The following STRA6 variants were observed in gnomAD, a reference collection of about 807,000 sequenced individuals.
The protein encoded by STRA6 is signaling receptor and transporter of retinol STRA6.
In STRA6, 48 loss-of-function variants were observed where a neutral mutation model predicts 83.6. That is an observed-to-expected ratio of 0.57 (90% CI 0.46 to 0.73). STRA6 has a LOEUF of 0.73. Ranked by LOEUF, STRA6 falls within the 30% of genes least tolerant of loss-of-function variation. The pLI is 0.00. For synonymous variants in STRA6, 353 were observed against 362.3 expected, an observed-to-expected ratio of 0.97 and a Z score of 0.29; for missense variants, 760 against 838.8, an observed-to-expected ratio of 0.91 and a Z score of 1.16.
intron 1 of STRA6, among the ~76,000 whole-genome samples, chr15:74,208,218 C>T (rs1372099036): frequency 6.6e-6 from 1 of 152,092 alleles, no homozygotes; most frequent in Non-Finnish European, 1.5e-5. Flanking sequence ...CAAAGGTAGC[C>T]TTCTAGAGTA....
chr15:74,192,260 G>A (rs1484932616), intron 8 of STRA6, among the ~76,000 whole-genome samples: 1 of 152,176 alleles, frequency 6.6e-6, no homozygotes, highest in Non-Finnish European at 1.5e-5. Context: ...GGAAGAGAAG[G>A]TAAAGGGGCA....
Position 74,181,961 on chromosome 15 carries a change from C to T in STRA6, c.1520+200G>A, listed in dbSNP as rs76286141. Among the ~76,000 whole-genome samples the T allele has an allele frequency of 9.2e-3, 1,402 of 152,266 alleles. 17 individuals carry two copies. Among genetic ancestry groups the T allele is most frequent in the African/African-American group, 0.032 (1,314 of 41,542 alleles). On this transcript the variant is annotated intron_variant, in intron 16 of 18. Transcript: ENST00000395105. ...CACGGGGGTACTTCCAGCCCCATGCCGGGTATGTAGAGAGGTACTTTGGAG... is the reference window on the plus strand; with the variant it reads ...CACGGGGGTACTTCCAGCCCCATGCTGGGTATGTAGAGAGGTACTTTGGAG...
chr15:74,185,667 C>T (rs2073210081), intron 12 of STRA6, among the ~76,000 whole-genome samples: 1 of 152,190 alleles, frequency 6.6e-6, no homozygotes, highest in African/African-American at 2.4e-5. Context: ...CATGAACAAG[C>T]CTGGGTGTTT....
intron 5 of STRA6, 82 bp downstream of exon 5, chr15:74,195,926 C>G: frequency 6.3e-7 from 1 of 1,590,022 alleles, no homozygotes; most frequent in Non-Finnish European, 8.6e-7. Context: ...CTCTCATCTC[C>G]TTGAGCCAAG....
upstream of STRA6, chr15:74,202,981 G>T (rs560270565): frequency 1.1e-6 from 1 of 903,358 alleles, no homozygotes; most frequent in East Asian, 1.2e-4. Flanking sequence ...CCCCACCCCC[G>T]CACCTGACTT....
chr15:74,211,723 G>A (rs2074370967), upstream of STRA6, among the ~76,000 whole-genome samples: 5 of 151,864 alleles, frequency 3.3e-5, no homozygotes, highest in South Asian at 1.0e-3. Flanking sequence ...CTTTCTATCT[G>A]GTTGTCCTCC....
chr15:74,190,123 C>G (rs1008216769), intron 11 of STRA6, among the ~76,000 whole-genome samples: 20 of 152,272 alleles, frequency 1.3e-4, no homozygotes, highest in Middle Eastern at 3.4e-3. Context: ...TTCCTGGAAC[C>G]AACCCACCTC....
intron 14 of STRA6, 141 bp from the exon 15 acceptor site, chr15:74,182,601 C>T: frequency 1.5e-6 from 1 of 672,712 alleles, no homozygotes. Flanking sequence ...AGCTATGCTG[C>T]CTTGAACAAA....
upstream of STRA6, chr15:74,209,300 T>A: frequency 7.0e-7 from 1 of 1,434,472 alleles, no homozygotes; most frequent in Non-Finnish European, 9.5e-7. Context: ...TGCACAGGGC[T>A]TTGATGGCTG....
intron 2 of STRA6, among the ~76,000 whole-genome samples, chr15:74,201,940 T>C (rs899266532): frequency 6.6e-6 from 1 of 152,176 alleles, no homozygotes; most frequent in African/African-American, 2.4e-5. Context: ...TTAGGTGTCT[T>C]AACAGCAGGG....
intron 16 of STRA6, 118 bp from the exon 17 acceptor site, chr15:74,181,576 CTA>C: frequency 1.4e-5 from 19 of 1,377,734 alleles, no homozygotes; most frequent in Non-Finnish European, 1.8e-5. Context: ...CCATTTATTG[CTA>C]TGTCTTCTGT....
intron 3 of STRA6, 115 bp downstream of exon 3, chr15:74,197,637 C>T (rs1567195224): frequency 1.4e-6 from 2 of 1,391,764 alleles, no homozygotes; most frequent in Non-Finnish European, 2.0e-6. Flanking sequence ...CCAGATAGCT[C>T]CCCCCACCCA....
At chr15:74,194,073 C>T (rs1288552460) in intron 7 of STRA6, 151 bp from the exon 8 acceptor site, 15 of 1,315,326 alleles carry the variant, frequency 1.1e-5, no homozygotes, top group Non-Finnish European at 1.6e-5. Flanking sequence ...CAACCTGCCA[C>T]CCAGCGCAAA....
rs138904369 is a variant in STRA6, at chr15:74,202,568, C to T, written c.-16+145G>A. 1.1e-3 allele frequency: 1,552 copies of T among 1,474,524 alleles called. 11 individuals carry two copies. The African/African-American group carries it at 0.019, about 18-fold the overall frequency. The allele number at this position is 1,474,524 out of a possible 1,614,324, so 91.3% of individuals were successfully genotyped here. On this transcript the variant is annotated intron_variant, in intron 1 of 18. Coordinates refer to ENST00000395105, the MANE Select transcript of STRA6 (RefSeq NM_022369.4). ...TGTCCCCTTGGGGCCCCGGGGCTCCCGCTGGCGCATCTGTCTGACCAACCA... is the reference window on the plus strand; with the variant it reads ...TGTCCCCTTGGGGCCCCGGGGCTCCTGCTGGCGCATCTGTCTGACCAACCA...
rs372931895 is a variant in STRA6 at position 74,180,887 on chromosome 15, G to A, written c.1735C>T (p.Pro579Ser). 5.6e-6 allele frequency: 9 copies of A among 1,613,984 alleles called. No individual in the cohort carries two copies. Among genetic ancestry groups the A allele is most frequent in the African/African-American group, 1.3e-5 (1 of 74,906 alleles). ...FLKIEVSQSH[P>S]AMTAFCSLLL... ...AGGGAGCAGAAGGCTGTCATGGCTG[G>A]ATGCGACTGGCTGACTTCAATCTTC... Residue 579 changes from proline to serine, a missense_variant, in exon 18 of 19, where the codon CCA becomes TCA. Transcript: ENST00000395105.
At chr15:74,190,435 T>C (rs2142029177) in intron 11 of STRA6, among the ~76,000 whole-genome samples, 1 of 152,154 alleles carries the variant, frequency 6.6e-6, no homozygotes, top group East Asian at 1.9e-4. Flanking sequence ...GTTTTTTTTT[T>C]TTCGGAGGTG....
intron 13 of STRA6, among the ~76,000 whole-genome samples, chr15:74,184,191 T>C (rs1287597840): frequency 6.6e-6 from 1 of 151,990 alleles, no homozygotes; most frequent in African/African-American, 2.4e-5. Context: ...TCTTAAACAG[T>C]GAACGAGGAA....
intron 2 of STRA6, among the ~76,000 whole-genome samples, chr15:74,201,832 T>A (rs926912677): frequency 6.6e-6 from 1 of 152,062 alleles, no homozygotes; most frequent in African/African-American, 2.4e-5. Flanking sequence ...AGCTTCTCCA[T>A]CCTGGCTATG....
chr15:74,186,636 T>C lies in STRA6; in HGVS notation c.1091-1581A>G, dbSNP rs367573963. Among the ~76,000 whole-genome samples the C allele has an allele frequency of 3.2e-4, 48 of 152,058 alleles. 2 individuals carry two copies. In the East Asian group the frequency reaches 3.5e-3, roughly 11 times the overall value. Reference sequence around the variant, plus strand: ...ACAAAACAAAATTAGCCGGGCCTGGTGGTATGTGCCTGTAATCCCAGCTAC... The same window carrying C: ...ACAAAACAAAATTAGCCGGGCCTGGCGGTATGTGCCTGTAATCCCAGCTAC... On this transcript the variant is annotated intron_variant, in intron 12 of 18. Coordinates refer to ENST00000395105, the MANE Select transcript of STRA6 (RefSeq NM_022369.4).
Sources: gnomAD v4.1 joint callset for allele counts (sites outside exome capture counted in the v4.1 genomes callset) on GRCh38, gnomAD v4.1.1 for gene constraint, MANE v1.5 for transcripts, NCBI Gene and HGNC (gene_info 2026-07-23, HGNC 2026-07-21) for gene names.